The following FGD1 variants were observed in gnomAD, a reference collection of about 807,000 sequenced individuals.
The protein encoded by FGD1 is FYVE, RhoGEF and PH domain containing 1.
FGD1 carries 12 observed loss-of-function variants against 65.0 expected under a neutral mutation model. That is an observed-to-expected ratio of 0.18 (90% CI 0.12 to 0.30). The LOEUF is 0.30. FGD1 is among the 10% of genes least tolerant of loss of function. The probability of loss-of-function intolerance (pLI) is 1.00; values close to 1 mark genes in which losing one functional copy is unlikely to be tolerated. For synonymous variants in FGD1, 333 were observed against 343.9 expected (o/e 0.97, Z 0.35); for missense variants, 542 against 837.6 (o/e 0.65, Z 4.36).
intron 1 of FGD1, among the ~76,000 whole-genome samples, chrX:54,491,118 C>G (rs1282477526): frequency 9.0e-6 from 1 of 111,592 alleles, no homozygotes; most frequent in East Asian, 2.8e-4. Flanking sequence ...CCACTCCTCC[C>G]AATACCAGCC....
At chrX:54,449,373 G>A (rs1304284759) in intron 14 of FGD1, 105 bp from the exon 15 acceptor site, 1 of 1,035,088 alleles carries the variant, frequency 9.7e-7, no homozygotes, top group Admixed American at 2.6e-5. Context: ...GGTGGGGATG[G>A]GCTGGGGGTA....
intron 16 of FGD1, among the ~76,000 whole-genome samples, chrX:54,447,946 A>G (rs568775995): frequency 1.8e-5 from 2 of 111,698 alleles, no homozygotes; most frequent in East Asian, 5.6e-4. Flanking sequence ...ATGAATTAAT[A>G]TATGCAAAGT....
chrX:54,460,776 A>T (rs1190425332), intron 8 of FGD1, among the ~76,000 whole-genome samples: 1 of 112,498 alleles, frequency 8.9e-6, no homozygotes, highest in East Asian at 2.8e-4. Flanking sequence ...AAAAATAAAT[A>T]AAAAATAAAT....
In FGD1 at chrX:54,445,885, A is replaced by G; in HGVS notation, c.*224T>C. On this transcript the variant is annotated 3_prime_UTR_variant, in exon 18 of 18. Transcript: ENST00000375135. ...GCAACGGCTCCCACCCTCCCTGGGG[A>G]CAGGGATTAATAAAAATTGACATCA... The G allele has an allele frequency of 2.5e-6, 1 of 405,519 alleles. No individual in the cohort carries two copies. Among genetic ancestry groups the G allele is most frequent in the Non-Finnish European group, 4.3e-6 (1 of 234,851 alleles). 33.4% of individuals were successfully genotyped at this position (405,519 alleles called of 1,213,427 possible).
At position 54,455,770 on chromosome X, in the gene FGD1, G is replaced by A. The variant is rs1168548146; in HGVS notation, c.1857C>T (p.Leu619=). 1 of 1,183,227 alleles carries A rather than the reference G, an allele frequency of 8.5e-7. No homozygotes were observed. The highest frequency in any genetic ancestry group is 1.7e-5 in the African/African-American group (1 of 57,431). The change falls in exon 11 of 18, where the codon CTC becomes CTT. Residue 619 remains leucine (L), a synonymous_variant. Transcript: ENST00000375135. ...GCCGCAGCCTGGGCACGCAGTAAAGGAGGCGGTCGTTGAACTAGGAAGGAA... is the reference window on the plus strand; with the variant it reads ...GCCGCAGCCTGGGCACGCAGTAAAGAAGGCGGTCGTTGAACTAGGAAGGAA... ...DRYLILFNDR[L]LYCVPRLRLL... is the part of the protein sequence containing the mutation.
intron 12 of FGD1, among the ~76,000 whole-genome samples, chrX:54,455,080 G>C (rs1442629986): frequency 1.8e-5 from 2 of 112,505 alleles, no homozygotes; most frequent in Non-Finnish European, 3.8e-5. Context: ...ATTTCTCTTA[G>C]ATCTGTGAAT....
chrX:54,474,800 G>A (rs1166301823), intron 1 of FGD1, among the ~76,000 whole-genome samples: 1 of 112,594 alleles, frequency 8.9e-6, no homozygotes, highest in African/African-American at 3.2e-5. Context: ...GAGAGGCAGT[G>A]AGTAAAGCCA....
At chrX:54,459,673 A>G (rs1922583142) in intron 8 of FGD1, among the ~76,000 whole-genome samples, 1 of 111,243 alleles carries the variant, frequency 9.0e-6, no homozygotes, top group Admixed American at 9.7e-5. Flanking sequence ...CTTAGTGCGC[A>G]TATCTCAGGC....
chrX:54,477,297 C>T (rs1601957725), intron 1 of FGD1, among the ~76,000 whole-genome samples: 1 of 112,205 alleles, frequency 8.9e-6, no homozygotes, highest in African/African-American at 3.2e-5. Flanking sequence ...TTGACCCTTA[C>T]CCTCAGGGAG....
At chrX:54,487,808 A>G (rs1476889689) in intron 1 of FGD1, among the ~76,000 whole-genome samples, 5 of 109,249 alleles carry the variant, frequency 4.6e-5, no homozygotes, top group African/African-American at 1.7e-4. Flanking sequence ...AAATTAGCCA[A>G]GCATGGTGGC....
rs1329810583 is a variant in FGD1, at chrX:54,495,274, G to A, written c.159C>T (p.Gly53=). 4 of 1,188,430 alleles carry A rather than the reference G, an allele frequency of 3.4e-6. No homozygotes were observed. Among genetic ancestry groups the A allele is most frequent in the Non-Finnish European group, 4.5e-6 (4 of 885,472 alleles). ...LARRGSGSAL[G]GPLDPQFVGP... ...CGACAAACTGGGGATCCAGTGGGCC[G>A]CCAAGAGCCGAACCTGAGCCCCTGC... The change falls in exon 1 of 18, where the codon GGC becomes GGT. Residue 53 remains glycine, a synonymous_variant. Transcript: ENST00000375135.
At position 54,445,998 on chromosome X, in the gene FGD1, C is replaced by T. The variant is rs34116358; in HGVS notation, c.*111G>A. On this transcript the variant is annotated 3_prime_UTR_variant, in exon 18 of 18. Coordinates refer to ENST00000375135, the MANE Select transcript of FGD1 (RefSeq NM_004463.3). The stretch of plus-strand genomic sequence containing the variant: ...CCCAGCATTCGGGATTGAAAGTGCC[C>T]GTGATGGGAGTTCAAGTATTGACTG... 42 of 556,999 alleles carry T rather than the reference C, an allele frequency of 7.5e-5. No homozygotes were observed. The highest frequency in any genetic ancestry group is 5.4e-4 in the Middle Eastern group (1 of 1,854). The allele number at this position is 556,999 out of a possible 1,213,427, so 45.9% of individuals were successfully genotyped here. A position where few individuals can be genotyped will look rare whatever the true frequency, so the allele number is the denominator to read the frequency against.
chrX:54,446,507 A>G, intron 17 of FGD1, 93 bp from the exon 18 acceptor site: 1 of 860,086 alleles, frequency 1.2e-6, no homozygotes, highest in Non-Finnish European at 1.6e-6. Context: ...CTCTGTCTTC[A>G]GTCCCCTACT....
chrX:54,486,123 G>T (rs1167659043), intron 1 of FGD1, among the ~76,000 whole-genome samples: 2 of 107,922 alleles, frequency 1.9e-5, no homozygotes, highest in Admixed American at 2.0e-4. Context: ...GTCTCGCTCT[G>T]TCACCCAGGC....
rs1193441754 is a variant in FGD1, at chrX:54,495,628, T to TAGC, written c.-199_-197dup. 3.8e-5 allele frequency: 8 copies of TAGC among 209,540 alleles called. No homozygotes were observed. The Admixed American group carries it at 4.5e-4, about 12-fold the overall frequency. The allele number at this position is 209,540 out of a possible 1,213,427, so 17.3% of individuals were successfully genotyped here. A position where few individuals can be genotyped will look rare whatever the true frequency, so the allele number is the denominator to read the frequency against. On this transcript the variant is annotated 5_prime_UTR_variant, in exon 1 of 18. Transcript: ENST00000375135. ...CCAGCAGCCGTGGCAGCGGTGGCAG[T>TAGC]AGCAGCAGCAGCAGCCGCGGCCACC...
chrX:54,469,776 C>T (rs1263727831), intron 4 of FGD1, among the ~76,000 whole-genome samples: 6 of 112,165 alleles, frequency 5.3e-5, no homozygotes, highest in Non-Finnish European at 1.1e-4. Flanking sequence ...CTAGCTCTTG[C>T]GCCCCTCCTC....
At chrX:54,475,402 A>AG (rs1467502561) in intron 1 of FGD1, among the ~76,000 whole-genome samples, 1 of 111,843 alleles carries the variant, frequency 8.9e-6, no homozygotes, top group East Asian at 2.8e-4. Flanking sequence ...GGGAACCAGG[A>AG]GGGGCGGGTG....
chrX:54,469,992 CT>C (rs751810617), intron 4 of FGD1, 23 bp downstream of exon 4: 1 of 1,194,586 alleles, frequency 8.4e-7, no homozygotes, highest in Non-Finnish European at 1.1e-6. Flanking sequence ...ATGGACCTGC[CT>C]CTCGGTGAAC....
At chrX:54,447,229 T>C in intron 17 of FGD1, 82 bp downstream of exon 17, 1 of 1,069,041 alleles carries the variant, frequency 9.4e-7, no homozygotes, top group Non-Finnish European at 1.3e-6. Context: ...GCTCACCTTA[T>C]CTTCCAAGGC....
Sources: allele counts gnomAD v4.1 joint callset (sites outside exome capture counted in the v4.1 genomes callset), GRCh38; gene constraint gnomAD v4.1.1; transcripts MANE v1.5; gene names NCBI Gene and HGNC (gene_info 2026-07-23, HGNC 2026-07-21).